Variants in IL13RA1 observed in about 807,000 individuals in gnomAD.
The protein encoded by IL13RA1 is interleukin-13 receptor subunit alpha-1.
A neutral mutation model predicts 33.8 loss-of-function variants in IL13RA1; 14 were observed. The observed-to-expected ratio is 0.41, with a 90% confidence interval of 0.27 to 0.65. IL13RA1 has a LOEUF of 0.65. Ranked by LOEUF, IL13RA1 falls within the 30% of genes least tolerant of loss-of-function variation. The pLI is 0.28. For missense variants in IL13RA1, 313 were observed against 327.0 expected, an observed-to-expected ratio of 0.96 and a Z score of 0.33; for synonymous variants, 116 against 115.7, an observed-to-expected ratio of 1.00 and a Z score of -0.02.
downstream of IL13RA1, among the ~76,000 whole-genome samples, chrX:118,799,343 C>T (rs919117097): frequency 8.8e-6 from 1 of 113,227 alleles, no homozygotes; most frequent in Non-Finnish European, 1.9e-5. Flanking sequence ...GGAATGCGAG[C>T]GCACAGTGCA....
Position 118,727,707 on chromosome X carries a change from C to A in IL13RA1, c.69C>A (p.Gly23=). The A allele has an allele frequency of 8.7e-6, 4 of 460,122 alleles. No individual in the cohort carries two copies. Among genetic ancestry groups the A allele is most frequent in the Non-Finnish European group, 1.1e-5 (4 of 357,322 alleles). The allele number at this position is 460,122 out of a possible 1,213,427, so 37.9% of individuals were successfully genotyped here. A position where few individuals can be genotyped will look rare whatever the true frequency, so the allele number is the denominator to read the frequency against. ...TCTGCGCCGGCGGCGGGGGCGGGGG[C>A]GGGGGCGCCGCGCCTACGGGTGAGT... ...LLLCAGGGGG[G]GGAAPTETQP... The change falls in exon 1 of 11, where the codon GGC becomes GGA. Residue 23 remains glycine (G), a synonymous_variant. Transcript: ENST00000371666.
chrX:118,758,385 G>A, intron 5 of IL13RA1, 143 bp downstream of exon 5: 1 of 342,757 alleles, frequency 2.9e-6, no homozygotes, highest in Non-Finnish European at 5.2e-6. Flanking sequence ...AACTTTCTTT[G>A]ATAGATCCTT....
At chrX:118,786,966 A>G (rs771514461) in intron 10 of IL13RA1, among the ~76,000 whole-genome samples, 99 of 112,246 alleles carry the variant, frequency 8.8e-4, no homozygotes, top group Non-Finnish European at 1.5e-3. Flanking sequence ...ATAGGATGCC[A>G]TGTTGAGTCC....
At chrX:118,796,640 G>A (rs1026018856), downstream of IL13RA1, among the ~76,000 whole-genome samples, 1 of 111,264 alleles carries the variant, frequency 9.0e-6, no homozygotes, top group Non-Finnish European at 1.9e-5. Context: ...CGGGTTCAAG[G>A]GATTCTCCTG....
intron 2 of IL13RA1, among the ~76,000 whole-genome samples, chrX:118,742,374 G>A (rs1055250758): frequency 8.9e-6 from 1 of 112,171 alleles, no homozygotes; most frequent in African/African-American, 3.2e-5. Flanking sequence ...TTAGGCATTT[G>A]GAGTCTTAGT....
intron 4 of IL13RA1, among the ~76,000 whole-genome samples, chrX:118,750,798 G>GTTGT (rs770914572): frequency 9.0e-6 from 1 of 110,716 alleles, no homozygotes; most frequent in African/African-American, 3.3e-5. Context: ...GGGTCAAAAA[G>GTTGT]TTGTTTGTTT....
At chrX:118,770,481 C>T (rs188373300) in intron 8 of IL13RA1, 86 of 468,508 alleles carry the variant, frequency 1.8e-4, no homozygotes, top group African/African-American at 1.6e-3. Flanking sequence ...GGCTGGTCTA[C>T]GACAAGCTCA....
chrX:118,802,047 A>T, the IL13RA1 span, among the ~76,000 whole-genome samples: 1 of 111,720 alleles, frequency 9.0e-6, no homozygotes, highest in Non-Finnish European at 1.9e-5. Flanking sequence ...CTGACAGTGA[A>T]ATAGGTAGTT....
At chrX:118,804,085 T>C in the IL13RA1 span, among the ~76,000 whole-genome samples, 2 of 107,528 alleles carry the variant, frequency 1.9e-5, no homozygotes, top group African/African-American at 3.4e-5. Flanking sequence ...ACCTCTCAAG[T>C]AGCTGGGATT....
At chrX:118,727,821 G>T (rs1466675660) in intron 1 of IL13RA1, 95 bp downstream of exon 1, 4 of 355,466 alleles carry the variant, frequency 1.1e-5, no homozygotes, top group African/African-American at 2.7e-5. Context: ...CCGGGCGGAG[G>T]GCCGAAGCTG....
downstream of IL13RA1, among the ~76,000 whole-genome samples, chrX:118,797,871 C>G (rs2018039962): frequency 9.0e-6 from 1 of 111,535 alleles, no homozygotes; most frequent in East Asian, 2.8e-4. Context: ...TGCAGATTTT[C>G]TCCCAGAGCC....
intron 4 of IL13RA1, among the ~76,000 whole-genome samples, chrX:118,756,812 T>C (rs1486967774): frequency 9.0e-6 from 1 of 111,282 alleles, no homozygotes; most frequent in East Asian, 2.8e-4. Flanking sequence ...GAGAAGAGGG[T>C]GCATGATGTG....
intron 10 of IL13RA1, among the ~76,000 whole-genome samples, chrX:118,780,809 A>G (rs777692116): frequency 1.8e-4 from 20 of 111,986 alleles, no homozygotes; most frequent in South Asian, 3.7e-4. Flanking sequence ...ATATATCCAA[A>G]CTGTCAGTCA....
At chrX:118,776,539 A>C in intron 10 of IL13RA1, 28 bp downstream of exon 10, 1 of 225,312 alleles carries the variant, frequency 4.4e-6, no homozygotes, top group Non-Finnish European at 7.3e-6. Flanking sequence ...GGGGCTTGAA[A>C]TGTTTTTTTT....
chrX:118,730,212 C>T (rs2017200860), intron 1 of IL13RA1, among the ~76,000 whole-genome samples: 2 of 111,851 alleles, frequency 1.8e-5, no homozygotes, highest in Admixed American at 9.5e-5. Context: ...GCATGAGACT[C>T]ATTTGATCCT....
At chrX:118,786,405 T>A (rs1004155623) in intron 10 of IL13RA1, among the ~76,000 whole-genome samples, 8 of 109,260 alleles carry the variant, frequency 7.3e-5, no homozygotes, top group African/African-American at 2.0e-4. Flanking sequence ...AAAAAAAAAA[T>A]TATTATTTTT....
At chrX:118,753,069 A>G (rs928956177) in intron 4 of IL13RA1, among the ~76,000 whole-genome samples, 1 of 111,879 alleles carries the variant, frequency 8.9e-6, no homozygotes, top group Non-Finnish European at 1.9e-5. Flanking sequence ...TAAAGAATCT[A>G]TGTCTATATA....
chrX:118,769,493 T>G (rs1421511316), intron 8 of IL13RA1, among the ~76,000 whole-genome samples: 1 of 112,521 alleles, frequency 8.9e-6, no homozygotes, highest in Non-Finnish European at 1.9e-5. Flanking sequence ...GAGATAAGCA[T>G]GCAAAACCAC....
chrX:118,794,791 TATG>T (rs2018015935), downstream of IL13RA1, among the ~76,000 whole-genome samples: 1 of 111,723 alleles, frequency 9.0e-6, no homozygotes, highest in South Asian at 3.7e-4. Flanking sequence ...AAATTGTAGT[TATG>T]ATAATTAATG....
Sources: gnomAD v4.1 joint callset for allele counts (sites outside exome capture counted in the v4.1 genomes callset) on GRCh38, gnomAD v4.1.1 for gene constraint, MANE v1.5 for transcripts, NCBI Gene and HGNC (gene_info 2026-07-23, HGNC 2026-07-21) for gene names.